The following IQCM variants were observed in gnomAD, a reference collection of about 807,000 sequenced individuals.
IQCM encodes IQ motif containing M.
In IQCM, 45 loss-of-function variants were observed where a neutral mutation model predicts 57.6. That is an observed-to-expected ratio of 0.78 (90% CI 0.62 to 1.00). The LOEUF (loss-of-function observed/expected upper bound fraction) is 1.00. Among genes scored for constraint, IQCM ranks in the 50% least tolerant of loss-of-function variants. IQCM has a pLI of 0.00. For synonymous variants in IQCM, 148 were observed against 158.9 expected, an observed-to-expected ratio of 0.93 and a Z score of 0.51; for missense variants, 468 against 511.6, an observed-to-expected ratio of 0.91 and a Z score of 0.82.
chr4:149,690,155 C>T (rs1762843655), intron 5 of IQCM, among the ~76,000 whole-genome samples: 1 of 152,098 alleles, frequency 6.6e-6, no homozygotes. Context: ...AGACATAGAA[C>T]CAACTCAAAT....
chr4:149,600,077 G>A (rs1252747632), intron 8 of IQCM, among the ~76,000 whole-genome samples: 1 of 152,032 alleles, frequency 6.6e-6, no homozygotes, highest in Non-Finnish European at 1.5e-5. Flanking sequence ...GTTATAAATT[G>A]GACAGTATTT....
intron 13 of IQCM, among the ~76,000 whole-genome samples, chr4:149,394,118 C>CT (rs1440107504): frequency 1.3e-5 from 2 of 151,834 alleles, no homozygotes; most frequent in African/African-American, 4.8e-5. Flanking sequence ...AACATAATGT[C>CT]TTTTTATTCA....
intron 12 of IQCM, among the ~76,000 whole-genome samples, chr4:149,538,629 AAC>A (rs1465180119): frequency 6.6e-6 from 1 of 151,984 alleles, no homozygotes; most frequent in Non-Finnish European, 1.5e-5. Flanking sequence ...TCTATAAGAA[AAC>A]ACTTTATATT....
intron 5 of IQCM, among the ~76,000 whole-genome samples, chr4:149,688,452 C>T (rs867076764): frequency 1.1e-4 from 17 of 151,856 alleles, no homozygotes; most frequent in Middle Eastern, 3.2e-3. Flanking sequence ...AGAAATCATA[C>T]ATGACACAAA....
chr4:149,791,601 C>A (rs987602791), intron 2 of IQCM, among the ~76,000 whole-genome samples: 23 of 152,148 alleles, frequency 1.5e-4, no homozygotes, highest in African/African-American at 4.6e-4. Context: ...TTTTCCCAGC[C>A]TCCGGTAACT....
intron 9 of IQCM, among the ~76,000 whole-genome samples, chr4:149,565,243 A>T (rs904089504): frequency 6.6e-6 from 1 of 152,120 alleles, no homozygotes; most frequent in Admixed American, 6.5e-5. Context: ...TCTGACTCAC[A>T]TTCACTCTGT....
intron 5 of IQCM, among the ~76,000 whole-genome samples, chr4:149,700,801 A>G (rs971889107): frequency 6.6e-6 from 1 of 152,004 alleles, no homozygotes; most frequent in Non-Finnish European, 1.5e-5. Flanking sequence ...TGATGCATTA[A>G]ATAAGCTATA....
intron 8 of IQCM, among the ~76,000 whole-genome samples, chr4:149,592,616 T>C (rs1753311466): frequency 6.6e-6 from 1 of 151,690 alleles, no homozygotes; most frequent in Admixed American, 6.6e-5. Flanking sequence ...CTTTAATCCA[T>C]CTTGAATTAA....
intron 9 of IQCM, among the ~76,000 whole-genome samples, chr4:149,581,307 T>TTGTG (rs144585513): frequency 4.9e-4 from 73 of 148,996 alleles, no homozygotes; most frequent in Admixed American, 1.2e-3. Flanking sequence ...ATATATATAC[T>TTGTG]TGTGTGTGTG....
At chr4:149,745,226 G>T (rs1163800757) in intron 2 of IQCM, among the ~76,000 whole-genome samples, 1 of 152,178 alleles carries the variant, frequency 6.6e-6, no homozygotes, top group Non-Finnish European at 1.5e-5. Context: ...CAAGTTGTGT[G>T]TCTGTTTGAT....
chr4:149,742,523 G>T (rs2149910842), intron 3 of IQCM, 132 bp downstream of exon 3: 1 of 477,044 alleles, frequency 2.1e-6, no homozygotes. Context: ...TTAAATAAAG[G>T]GAATGGAATA....
rs904751789 is a variant in IQCM, at chr4:149,708,052, C to T, written c.386-21584G>A. Among the ~76,000 whole-genome samples the T allele has an allele frequency of 2.0e-5, 3 of 152,038 alleles. No individual in the cohort carries two copies. The East Asian group carries it at 5.8e-4, about 29-fold the overall frequency. On this transcript the variant is annotated intron_variant, in intron 5 of 13. Coordinates refer to ENST00000636793, the MANE Select transcript of IQCM (RefSeq NM_001363507.2). ...ATTCACTGCACTATCATCAACAACCCACTCTGCCATCCACTCAACATTTCT... is the reference window on the plus strand; with the variant it reads ...ATTCACTGCACTATCATCAACAACCTACTCTGCCATCCACTCAACATTTCT...
intron 12 of IQCM, among the ~76,000 whole-genome samples, chr4:149,479,374 A>C (rs759768702): frequency 5.9e-5 from 9 of 152,330 alleles, no homozygotes; most frequent in Admixed American, 1.3e-4. Context: ...CATACCCCTT[A>C]AATTTTAAAA....
intron 5 of IQCM, among the ~76,000 whole-genome samples, chr4:149,704,484 G>A (rs973415660): frequency 2.0e-5 from 3 of 151,870 alleles, no homozygotes; most frequent in Admixed American, 1.3e-4. Context: ...GAGATCATAC[G>A]GCCCACAAAG....
intron 5 of IQCM, among the ~76,000 whole-genome samples, chr4:149,718,997 T>C (rs2149848970): frequency 6.6e-6 from 1 of 152,336 alleles, no homozygotes; most frequent in South Asian, 2.1e-4. Context: ...TGGCCATTAT[T>C]CAGCCTACTA....
At chr4:149,633,987 CTTTTTCTTTTTCTTT>C (rs943701414) in intron 7 of IQCM, among the ~76,000 whole-genome samples, 1 of 152,070 alleles carries the variant, frequency 6.6e-6, no homozygotes, top group African/African-American at 2.4e-5. Context: ...TCAGCTTTAT[CTTTTTCTTTTTCTTT>C]TTTTTCTTTT....
intron 9 of IQCM, among the ~76,000 whole-genome samples, chr4:149,576,270 CA>C (rs915497582): frequency 2.0e-4 from 31 of 151,708 alleles, no homozygotes; most frequent in African/African-American, 6.8e-4. Context: ...GCACAGTACC[CA>C]AAAAGTAGTT....
chr4:149,363,262 C>T (rs115689286), intron 13 of IQCM, among the ~76,000 whole-genome samples: 33 of 152,268 alleles, frequency 2.2e-4, no homozygotes, highest in Non-Finnish European at 4.1e-4. Flanking sequence ...GTGGCAACAG[C>T]AGCAGCAAGA....
chr4:149,573,911 G>A (rs759749836), intron 9 of IQCM, among the ~76,000 whole-genome samples: 4 of 151,994 alleles, frequency 2.6e-5, no homozygotes, highest in African/African-American at 4.8e-5. Context: ...AAAGGAGGAC[G>A]AAATTATGTC....
Sources: gnomAD v4.1 joint callset for allele counts (sites outside exome capture counted in the v4.1 genomes callset) on GRCh38, gnomAD v4.1.1 for gene constraint, MANE v1.5 for transcripts, NCBI Gene and HGNC (gene_info 2026-07-23, HGNC 2026-07-21) for gene names.